OR8B2: variants seen among roughly 807,000 people sequenced by gnomAD.
OR8B2 encodes olfactory receptor 8B2.
For synonymous variants in OR8B2, 98 were observed against 138.2 expected (o/e 0.71, Z 2.04); for missense variants, 304 against 379.6 (o/e 0.80, Z 1.65).
chr11:124,385,313 T>C (rs1385717191), upstream of OR8B2, among the ~76,000 whole-genome samples: 13 of 152,174 alleles, frequency 8.5e-5, no homozygotes, highest in Non-Finnish European at 1.8e-4. Context: ...CTTTTTATTT[T>C]AAAATTATTA....
chr11:124,389,995 G>T, the OR8B2 span, among the ~76,000 whole-genome samples: 1 of 152,196 alleles, frequency 6.6e-6, no homozygotes, highest in Non-Finnish European at 1.5e-5. Context: ...TGGAAAAATA[G>T]AAAGGGGATG....
the OR8B2 span, chr11:124,396,698 A>T: frequency 6.2e-7 from 1 of 1,613,942 alleles, no homozygotes; most frequent in Non-Finnish European, 8.5e-7. Context: ...CAATGAAAAC[A>T]TAAGAAATGA....
the OR8B2 span, among the ~76,000 whole-genome samples, chr11:124,393,774 T>C: frequency 6.6e-6 from 1 of 151,790 alleles, no homozygotes; most frequent in African/African-American, 2.4e-5. Context: ...CAAAGGACTA[T>C]AAATCATGCT....
upstream of OR8B2, among the ~76,000 whole-genome samples, chr11:124,385,491 CGT>C (rs57427804): frequency 0.071 from 10,439 of 147,958 alleles, 900 homozygotes; most frequent in African/African-American, 0.21. Flanking sequence ...ATTTAACATG[CGT>C]GTGTGTGTGT....
intron 1 of OR8B2, among the ~76,000 whole-genome samples, chr11:124,384,047 ATTAGTTG>A (rs1163966621): frequency 7.4e-6 from 1 of 134,686 alleles, no homozygotes. Flanking sequence ...GTACAGTTAT[ATTAGTTG>A]TTAAGTTTGT....
the OR8B2 span, among the ~76,000 whole-genome samples, chr11:124,391,880 C>A: frequency 2.0e-5 from 3 of 148,938 alleles, no homozygotes; most frequent in Admixed American, 2.0e-4. Context: ...ACTGGCAAAC[C>A]AAATCCAGCA....
upstream of OR8B2, among the ~76,000 whole-genome samples, chr11:124,386,879 G>A (rs1392177333): frequency 6.8e-6 from 1 of 147,660 alleles, no homozygotes; most frequent in Non-Finnish European, 1.5e-5. Flanking sequence ...CACCAACAGT[G>A]TGAAAGTGTT....
chr11:124,386,187 C>T (rs1282828637), upstream of OR8B2, among the ~76,000 whole-genome samples: 2 of 150,824 alleles, frequency 1.3e-5, no homozygotes, highest in Non-Finnish European at 3.0e-5. Flanking sequence ...TTTTTTGTCC[C>T]TGGGAGCGAA....
upstream of OR8B2, among the ~76,000 whole-genome samples, chr11:124,385,087 A>T (rs571338779): frequency 6.6e-6 from 1 of 152,338 alleles, no homozygotes; most frequent in East Asian, 1.9e-4. Context: ...CAGATTTTTT[A>T]AATAAAATTT....
upstream of OR8B2, among the ~76,000 whole-genome samples, chr11:124,387,463 A>G (rs1351709995): frequency 6.6e-6 from 1 of 151,920 alleles, no homozygotes; most frequent in Non-Finnish European, 1.5e-5. Context: ...ATCCAGTTTC[A>G]GCTTTCTACA....
In OR8B2 at chr11:124,382,676, G is replaced by A; in HGVS notation, c.668C>T (p.Thr223Ile). ...AGTGGATTTGATATGAAGAATGCTA[G>A]TGACAATGAAAACATAAGAAATGAG... is the stretch of plus-strand genomic sequence containing the variant. ...TILISYVFIV[T>I]SILHIKSTQG... Residue 223 changes from threonine (T) to isoleucine (I), a missense_variant, in exon 2 of 2, where the codon ACT becomes ATT. Transcript: ENST00000641451. 1 of 1,613,736 alleles carries A rather than the reference G, an allele frequency of 6.2e-7. No individual in the cohort carries two copies. The highest frequency in any genetic ancestry group is 8.5e-7 in the Non-Finnish European group (1 of 1,179,808).
At chr11:124,386,433 G>A (rs1340345790), upstream of OR8B2, among the ~76,000 whole-genome samples, 20 of 114,148 alleles carry the variant, frequency 1.8e-4, no homozygotes, top group African/African-American at 5.3e-4. Flanking sequence ...ACAGTCCCCA[G>A]AGCGTGATGT....
rs1179955135 is a variant in OR8B2, at chr11:124,382,586, C to A, written c.758G>T (p.Gly253Val). 4.3e-6 allele frequency: 7 copies of A among 1,611,600 alleles called. No homozygotes were observed. In the Admixed American group the frequency reaches 1.0e-4, roughly 23 times the overall value. The part of the protein sequence containing the change: ...SHVIALSLFF[G>V]SAAFMYIKYS... The stretch of plus-strand genomic sequence containing the variant: ...TTTAATATACATGAATGCCGCTGAC[C>A]CAAAAAACAGAGACAGAGCAATGAC... The change falls in exon 2 of 2, where the codon GGG (glycine) becomes GTG (valine). Residue 253 changes from glycine (G) to valine (V), a missense_variant. Coordinates refer to ENST00000641451, the MANE Select transcript of OR8B2 (RefSeq NM_001005468.2).
At chr11:124,387,051 G>A (rs1457667746), upstream of OR8B2, among the ~76,000 whole-genome samples, 3 of 152,244 alleles carry the variant, frequency 2.0e-5, no homozygotes, top group Non-Finnish European at 2.9e-5. Context: ...CTGCATAAAT[G>A]TCTTCTTTTG....
At chr11:124,386,974 A>G (rs1860712268), upstream of OR8B2, among the ~76,000 whole-genome samples, 1 of 152,206 alleles carries the variant, frequency 6.6e-6, no homozygotes, top group African/African-American at 2.4e-5. Flanking sequence ...ATGGTATCTC[A>G]TTGTGGTTTT....
At chr11:124,395,209 A>G in the OR8B2 span, among the ~76,000 whole-genome samples, 1 of 152,134 alleles carries the variant, frequency 6.6e-6, no homozygotes, top group African/African-American at 2.4e-5. Context: ...AGCTGCAATG[A>G]GCTATGATTG....
rs139038842 is a variant in OR8B2, at chr11:124,382,521, C to G, written c.823G>C (p.Val275Leu). ...ATGGGCACCACATTAGTGTAGAAAA[C>G]AGAAGAAACTTTTCCCTGCTCCATA... ...GSMEQGKVSS[V>L]FYTNVVPMLN... The change falls in exon 2 of 2, where the codon GTT becomes CTT. Residue 275 changes from valine to leucine, a missense_variant. Transcript: ENST00000641451. 6,537 of 1,613,864 alleles carry G rather than the reference C, an allele frequency of 4.1e-3. 24 individuals carry two copies. The highest frequency in any genetic ancestry group is 4.9e-3 in the Non-Finnish European group (5,791 of 1,179,916).
At chr11:124,393,678 C>A in the OR8B2 span, among the ~76,000 whole-genome samples, 1 of 152,144 alleles carries the variant, frequency 6.6e-6, no homozygotes, top group Non-Finnish European at 1.5e-5. Flanking sequence ...TAGTTCAACC[C>A]TTGTGGAAGT....
At chr11:124,389,733 A>C in the OR8B2 span, among the ~76,000 whole-genome samples, 2 of 152,190 alleles carry the variant, frequency 1.3e-5, no homozygotes, top group East Asian at 3.8e-4. Flanking sequence ...AGGGTTTGAC[A>C]TGTGCTAACT....
Sources: allele counts gnomAD v4.1 joint callset (sites outside exome capture counted in the v4.1 genomes callset), GRCh38; gene constraint gnomAD v4.1.1; transcripts MANE v1.5; gene names NCBI Gene and HGNC (gene_info 2026-07-23, HGNC 2026-07-21).